Variants in CTDSPL2 observed in about 807,000 individuals in gnomAD.
CTDSPL2 encodes the protein CTD small phosphatase like 2.
In CTDSPL2, 5 loss-of-function variants were observed where a neutral mutation model predicts 60.0. The observed-to-expected ratio is 0.08, with a 90% CI of 0.04 to 0.18. CTDSPL2 has a LOEUF of 0.18. Among genes scored for constraint, CTDSPL2 ranks in the 10% least tolerant of loss-of-function variants. The probability of loss-of-function intolerance (pLI) is 1.00; values close to 1 mark genes in which losing one functional copy is unlikely to be tolerated. For missense variants in CTDSPL2, 370 were observed against 548.8 expected (o/e 0.67, Z 3.26); for synonymous variants, 186 against 189.3 (o/e 0.98, Z 0.14).
At chr15:44,494,761 A>C (rs2081269561) in intron 5 of CTDSPL2, among the ~76,000 whole-genome samples, 1 of 151,850 alleles carries the variant, frequency 6.6e-6, no homozygotes, top group Non-Finnish European at 1.5e-5. Context: ...CTAAAAATAC[A>C]AAAAATTAGC....
chr15:44,427,843 C>G, intron 1 of CTDSPL2, 71 bp downstream of exon 1: 1 of 396,368 alleles, frequency 2.5e-6, no homozygotes, highest in Non-Finnish European at 4.4e-6. Flanking sequence ...GGCCGTCTGC[C>G]GGGATCTCCT....
chr15:44,528,259 A>G lies in CTDSPL2; in HGVS notation c.*4085A>G, dbSNP rs1791476217. The G allele has an allele frequency of 6.6e-6, 1 of 151,914 alleles. No homozygotes were observed. The highest frequency in any genetic ancestry group is 2.4e-5 in the African/African-American group (1 of 41,384). 9.4% of individuals were successfully genotyped at this position (151,914 alleles called of 1,614,324 possible). A position where few individuals can be genotyped will look rare whatever the true frequency, so the allele number is the denominator to read the frequency against. ...CCTGACCATTAGAATTACTCTGAGG[A>G]GCTTTTAAAATAGATTCCTGGAGCC... On this transcript the variant is annotated 3_prime_UTR_variant, in exon 13 of 13. Transcript: ENST00000260327.
At chr15:44,505,023 AG>A (rs2081437251) in intron 8 of CTDSPL2, among the ~76,000 whole-genome samples, 1 of 152,228 alleles carries the variant, frequency 6.6e-6, no homozygotes, top group Admixed American at 6.5e-5. Context: ...GGCTAAAAAA[AG>A]GAAAAGATAC....
intron 4 of CTDSPL2, among the ~76,000 whole-genome samples, chr15:44,487,300 T>A (rs1372014762): frequency 2.6e-5 from 4 of 151,884 alleles, no homozygotes; most frequent in African/African-American, 9.7e-5. Context: ...CAAAAAAATG[T>A]AAAAATTATT....
At chr15:44,499,886 T>G in intron 8 of CTDSPL2, 73 bp downstream of exon 8, 2 of 809,158 alleles carry the variant, frequency 2.5e-6, no homozygotes, top group Non-Finnish European at 2.1e-6. Flanking sequence ...TGTATTTTTT[T>G]TGTGTGTATG....
At chr15:44,509,737 C>G (rs1475130622) in intron 8 of CTDSPL2, among the ~76,000 whole-genome samples, 1 of 151,806 alleles carries the variant, frequency 6.6e-6, no homozygotes, top group Non-Finnish European at 1.5e-5. Flanking sequence ...ACTTGCCTTG[C>G]TGACATGTCA....
chr15:44,485,045 T>C (rs1400108439), intron 3 of CTDSPL2, among the ~76,000 whole-genome samples: 1 of 152,190 alleles, frequency 6.6e-6, no homozygotes, highest in Non-Finnish European at 1.5e-5. Context: ...CATCACTTAG[T>C]CCAGTAGGTT....
intron 4 of CTDSPL2, 57 bp downstream of exon 4, chr15:44,486,757 GGT>G: frequency 1.7e-6 from 2 of 1,173,328 alleles, no homozygotes; most frequent in Non-Finnish European, 2.4e-6. Flanking sequence ...GCATAGTTTG[GGT>G]TTTTTTTTTT....
chr15:44,479,094 G>GT (rs2080978014), intron 2 of CTDSPL2, among the ~76,000 whole-genome samples: 1 of 149,914 alleles, frequency 6.7e-6, no homozygotes, highest in Admixed American at 6.6e-5. Flanking sequence ...AAAAAAACAA[G>GT]TTTTCTCCCT....
chr15:44,495,885 T>C (rs1201545983), intron 5 of CTDSPL2, among the ~76,000 whole-genome samples: 1 of 151,430 alleles, frequency 6.6e-6, no homozygotes, highest in Non-Finnish European at 1.5e-5. Context: ...TGAGTTGAGA[T>C]CATGCCATTT....
intron 1 of CTDSPL2, among the ~76,000 whole-genome samples, chr15:44,439,555 A>G (rs1211790859): frequency 8.2e-5 from 12 of 146,092 alleles, no homozygotes; most frequent in Admixed American, 1.4e-4. Flanking sequence ...GGGGGGGGGG[A>G]ATATTTGCAT....
chr15:44,468,320 T>C (rs1204284149), intron 2 of CTDSPL2, among the ~76,000 whole-genome samples: 1 of 152,172 alleles, frequency 6.6e-6, no homozygotes, highest in Non-Finnish European at 1.5e-5. Flanking sequence ...TGACATCATA[T>C]TTTGTTGGTA....
chr15:44,495,252 C>T (rs943463919), intron 5 of CTDSPL2, among the ~76,000 whole-genome samples: 1 of 152,092 alleles, frequency 6.6e-6, no homozygotes, highest in Non-Finnish European at 1.5e-5. Flanking sequence ...TTACAGGCGC[C>T]CGCCACCACT....
intron 1 of CTDSPL2, among the ~76,000 whole-genome samples, chr15:44,456,145 C>A (rs1244742905): frequency 6.6e-6 from 1 of 152,088 alleles, no homozygotes; most frequent in Non-Finnish European, 1.5e-5. Context: ...CCACCGCGCC[C>A]GGCCTTTATT....
intron 1 of CTDSPL2, among the ~76,000 whole-genome samples, chr15:44,450,589 ATTTTT>A (rs36016079): frequency 1.1e-5 from 1 of 88,684 alleles, no homozygotes; most frequent in African/African-American, 4.8e-5. Flanking sequence ...TATATTCTTA[ATTTTT>A]TTTTTTTTTT....
intron 1 of CTDSPL2, among the ~76,000 whole-genome samples, chr15:44,446,619 G>A (rs2080220383): frequency 6.6e-6 from 1 of 151,048 alleles, no homozygotes; most frequent in Admixed American, 6.6e-5. Flanking sequence ...GACAGAGCAA[G>A]GCTCTATCTC....
intron 1 of CTDSPL2, among the ~76,000 whole-genome samples, chr15:44,444,336 C>G (rs897377829): frequency 4.0e-5 from 6 of 150,690 alleles, no homozygotes; most frequent in South Asian, 4.2e-4. Context: ...CACACACACA[C>G]ACACAGACAC....
At chr15:44,461,002 T>G (rs2080555195) in intron 2 of CTDSPL2, among the ~76,000 whole-genome samples, 2 of 152,136 alleles carry the variant, frequency 1.3e-5, no homozygotes, top group African/African-American at 4.8e-5. Flanking sequence ...TTTTTGTAGT[T>G]TTTTCCACTT....
chr15:44,465,447 T>C (rs1177209637), intron 2 of CTDSPL2, among the ~76,000 whole-genome samples: 2 of 152,066 alleles, frequency 1.3e-5, no homozygotes, highest in African/African-American at 4.8e-5. Flanking sequence ...TTTTTAGACC[T>C]TTTAACTGTG....
Sources: allele counts gnomAD v4.1 joint callset (sites outside exome capture counted in the v4.1 genomes callset), GRCh38; gene constraint gnomAD v4.1.1; transcripts MANE v1.5; gene names NCBI Gene and HGNC (gene_info 2026-07-23, HGNC 2026-07-21).